The following CNBD1 variants were observed in gnomAD, a reference collection of about 807,000 sequenced individuals.
The protein encoded by CNBD1 is cyclic nucleotide-binding domain-containing protein 1.
CNBD1 carries 71 observed loss-of-function variants against 54.4 expected under a neutral mutation model. The ratio of observed to expected loss-of-function variants is 1.30; its 90% CI spans 1.08 to 1.59. CNBD1 has a LOEUF of 1.59. Among genes scored for constraint, CNBD1 ranks in the 40% most tolerant of loss-of-function variants. CNBD1 has a pLI of 0.00. For synonymous variants in CNBD1, 182 were observed against 170.7 expected (o/e 1.07, Z -0.51); for missense variants, 659 against 518.0 (o/e 1.27, Z -2.64).
At chr8:87,071,333 CT>C (rs766221890) in intron 4 of CNBD1, among the ~76,000 whole-genome samples, 5 of 152,214 alleles carry the variant, frequency 3.3e-5, no homozygotes, top group Non-Finnish European at 5.9e-5. Context: ...GGAGCCTCAA[CT>C]TTGCTCATTG....
intron 4 of CNBD1, among the ~76,000 whole-genome samples, chr8:87,089,224 C>A (rs1811159128): frequency 6.6e-6 from 1 of 151,988 alleles, no homozygotes; most frequent in Admixed American, 6.6e-5. Context: ...GAATAGTGGA[C>A]CACAGACATG....
chr8:87,363,122 T>C (rs552064129), intron 10 of CNBD1, among the ~76,000 whole-genome samples: 32 of 152,096 alleles, frequency 2.1e-4, no homozygotes, highest in Non-Finnish European at 3.1e-4. Context: ...TCTGTTGTTG[T>C]GTTAGTTTGC....
At position 86,967,320 on chromosome 8, in the gene CNBD1, A is replaced by G. The variant is rs545195713; in HGVS notation, c.431+27566A>G. Reference sequence around the variant, plus strand: ...ACCCAAAGAGCACAAGAAGGCTCGGATACACAGCTGCAGTTTGGATGGCTA... The same window carrying G: ...ACCCAAAGAGCACAAGAAGGCTCGGGTACACAGCTGCAGTTTGGATGGCTA... On this transcript the variant is annotated intron_variant, in intron 4 of 10. Coordinates refer to ENST00000518476, the MANE Select transcript of CNBD1 (RefSeq NM_173538.3). Among the ~76,000 whole-genome samples, 3 of 152,366 alleles carry G rather than the reference A, an allele frequency of 2.0e-5. No homozygotes were observed. In the South Asian group the frequency reaches 6.2e-4, roughly 32 times the overall value.
intron 4 of CNBD1, among the ~76,000 whole-genome samples, chr8:87,149,606 A>G (rs1812560664): frequency 6.6e-6 from 1 of 152,150 alleles, no homozygotes; most frequent in Non-Finnish European, 1.5e-5. Flanking sequence ...AATTTCAGGT[A>G]TCTTGACTCT....
intron 5 of CNBD1, among the ~76,000 whole-genome samples, chr8:87,208,577 T>C (rs545915544): frequency 6.6e-6 from 1 of 152,154 alleles, no homozygotes; most frequent in South Asian, 2.1e-4. Context: ...GACATTTTTA[T>C]GATTGATAAC....
At chr8:87,344,372 C>T (rs544469944) in intron 8 of CNBD1, among the ~76,000 whole-genome samples, 2 of 151,884 alleles carry the variant, frequency 1.3e-5, no homozygotes, top group Admixed American at 1.3e-4. Context: ...ATAAGAAAAA[C>T]ATGAACATTT....
At chr8:87,269,258 C>A (rs539689115) in intron 6 of CNBD1, among the ~76,000 whole-genome samples, 3 of 152,080 alleles carry the variant, frequency 2.0e-5, no homozygotes, top group South Asian at 2.1e-4. Flanking sequence ...TCTGCATTTT[C>A]TATCCTGTTC....
At position 87,088,619 on chromosome 8, in the gene CNBD1, G is replaced by T. The variant is rs546021667; in HGVS notation, c.432-117374G>T. ...ATTATAGTAATAGTAGCTATATTAT[G>T]ATAAAGATTATTAGGAAGAATCTAA... is the stretch of plus-strand genomic sequence containing the variant. On this transcript the variant is annotated intron_variant, in intron 4 of 10. Coordinates refer to ENST00000518476, the MANE Select transcript of CNBD1 (RefSeq NM_173538.3). 2.1e-3 allele frequency among the ~76,000 whole-genome samples: 312 copies of T among 152,116 alleles called. 1 individual carries two copies. Among genetic ancestry groups the T allele is most frequent in the Non-Finnish European group, 2.9e-3 (198 of 67,948 alleles).
At chr8:86,946,594 G>A (rs772849457) in intron 4 of CNBD1, among the ~76,000 whole-genome samples, 2 of 152,026 alleles carry the variant, frequency 1.3e-5, no homozygotes, top group Non-Finnish European at 2.9e-5. Context: ...TTTAGTGTAA[G>A]TTCTTTCTTA....
chr8:87,289,806 C>T (rs974627131), intron 8 of CNBD1, among the ~76,000 whole-genome samples: 8 of 152,026 alleles, frequency 5.3e-5, no homozygotes, highest in African/African-American at 1.7e-4. Context: ...TCAATCTCTT[C>T]CAGTTCAATT....
At chr8:87,202,235 G>A (rs1813878640) in intron 4 of CNBD1, among the ~76,000 whole-genome samples, 1 of 149,390 alleles carries the variant, frequency 6.7e-6, no homozygotes, top group African/African-American at 2.6e-5. Context: ...ACTGAATTCT[G>A]GGGAGCAATA....
chr8:87,331,600 A>G (rs970932782), intron 8 of CNBD1, among the ~76,000 whole-genome samples: 7 of 152,216 alleles, frequency 4.6e-5, no homozygotes, highest in African/African-American at 1.7e-4. Flanking sequence ...GCTGGATCAA[A>G]TGATATTTCT....
At chr8:87,377,373 A>G (rs982518151) in intron 10 of CNBD1, among the ~76,000 whole-genome samples, 9 of 149,178 alleles carry the variant, frequency 6.0e-5, no homozygotes, top group African/African-American at 1.2e-4. Flanking sequence ...TCCTTGTTCA[A>G]TTCCCACCTA....
chr8:87,377,263 T>A (rs575404099), intron 10 of CNBD1, among the ~76,000 whole-genome samples: 1 of 151,490 alleles, frequency 6.6e-6, no homozygotes, highest in African/African-American at 2.4e-5. Context: ...TAACTCATCA[T>A]CTAGCATTAG....
Position 86,868,966 on chromosome 8 carries a change from G to A in CNBD1, c.88+2383G>A, listed in dbSNP as rs573198316. On this transcript the variant is annotated intron_variant, in intron 1 of 10. Transcript: ENST00000518476. ...AGGCGAGAGAGTCAGAATGATATGT[G>A]AGAAAGACTCGACTGGCCCTTGCTG... 2.6e-5 allele frequency among the ~76,000 whole-genome samples: 4 copies of A among 152,038 alleles called. No individual in the cohort carries two copies. The South Asian group carries it at 8.3e-4, about 32-fold the overall frequency.
At chr8:86,966,570 T>A (rs1003896522) in intron 4 of CNBD1, among the ~76,000 whole-genome samples, 5 of 151,888 alleles carry the variant, frequency 3.3e-5, no homozygotes, top group African/African-American at 1.2e-4. Context: ...ACATCCAGAG[T>A]TGTTCATTCC....
At chr8:87,374,414 G>A (rs1810882259) in intron 10 of CNBD1, among the ~76,000 whole-genome samples, 1 of 151,756 alleles carries the variant, frequency 6.6e-6, no homozygotes, top group Non-Finnish European at 1.5e-5. Context: ...CCACATTTAA[G>A]ATAGTTCCTT....
chr8:86,895,565 AC>A (rs2131798291), intron 2 of CNBD1, among the ~76,000 whole-genome samples: 1 of 152,212 alleles, frequency 6.6e-6, no homozygotes, highest in East Asian at 1.9e-4. Context: ...TTGTATTCCC[AC>A]CCAAAATGAG....
intron 4 of CNBD1, among the ~76,000 whole-genome samples, chr8:87,137,784 C>G (rs926422552): frequency 1.3e-5 from 2 of 151,992 alleles, no homozygotes; most frequent in African/African-American, 4.8e-5. Context: ...TGATTCAAAA[C>G]AGTTATAAGG....
Sources: allele counts gnomAD v4.1 joint callset (sites outside exome capture counted in the v4.1 genomes callset), GRCh38; gene constraint gnomAD v4.1.1; transcripts MANE v1.5; gene names NCBI Gene and HGNC (gene_info 2026-07-23, HGNC 2026-07-21).